The following ESF1 variants were observed in gnomAD, a reference collection of about 807,000 sequenced individuals.
ESF1 encodes ESF1 nucleolar pre-rRNA processing protein, also known as ESF1 homolog.
Under a neutral mutation model 92.0 loss-of-function variants are expected in ESF1, and 58 were observed. That is an observed-to-expected ratio of 0.63 (90% CI 0.51 to 0.78). The LOEUF is 0.78. Ranked by LOEUF, ESF1 falls within the 30% of genes least tolerant of loss-of-function variation. The probability of loss-of-function intolerance (pLI) is 0.00; values close to 1 mark genes in which losing one functional copy is unlikely to be tolerated. For missense variants in ESF1, 922 were observed against 989.1 expected (o/e 0.93, Z 0.91); for synonymous variants, 321 against 313.7 (o/e 1.02, Z -0.24).
At chr20:13,747,778 T>C (rs1420400235) in intron 9 of ESF1, among the ~76,000 whole-genome samples, 1 of 152,212 alleles carries the variant, frequency 6.6e-6, no homozygotes, top group Non-Finnish European at 1.5e-5. Context: ...AGATGGTGTG[T>C]AGCTTACCAC....
chr20:13,765,147 C>T (rs1979377266), intron 8 of ESF1, among the ~76,000 whole-genome samples: 1 of 152,096 alleles, frequency 6.6e-6, no homozygotes, highest in Admixed American at 6.5e-5. Flanking sequence ...CGTTTGAACC[C>T]AGGAGGAAGA....
At chr20:13,748,443 T>TATATATACACAC (rs1978385355) in intron 9 of ESF1, among the ~76,000 whole-genome samples, 2 of 122,628 alleles carry the variant, frequency 1.6e-5, no homozygotes, top group Non-Finnish European at 3.6e-5. Flanking sequence ...TATATACACA[T>TATATATACACAC]ATATACATAT....
intron 9 of ESF1, among the ~76,000 whole-genome samples, chr20:13,748,315 A>G (rs1053139486): frequency 2.6e-5 from 4 of 151,862 alleles, no homozygotes. Flanking sequence ...AACTTAATGT[A>G]GTATTGTGTG....
intron 10 of ESF1, among the ~76,000 whole-genome samples, chr20:13,733,386 T>G (rs1190243839): frequency 6.6e-6 from 1 of 152,238 alleles, no homozygotes; most frequent in Non-Finnish European, 1.5e-5. Context: ...GAAAAATGTC[T>G]GTATGTACCT....
At chr20:13,768,807 G>A (rs770266887) in intron 7 of ESF1, among the ~76,000 whole-genome samples, 16 of 145,002 alleles carry the variant, frequency 1.1e-4, no homozygotes, top group Non-Finnish European at 2.2e-4. Context: ...TGTGGCAGAA[G>A]AATCACTTGA....
Position 13,771,335 on chromosome 20 carries a change from G to A in ESF1, c.1399C>T (p.Leu467=). 1 of 1,611,222 alleles carries A rather than the reference G, an allele frequency of 6.2e-7. No homozygotes were observed. The highest frequency in any genetic ancestry group is 8.5e-7 in the Non-Finnish European group (1 of 1,179,258). Residue 467 remains leucine, a synonymous_variant, in exon 6 of 14, where the codon CTA becomes TTA. Transcript: ENST00000617257. ...GTAATACATACACTGGATTACCTTA[G>A]ATCTATGAAAGAACAACTACTTTCA... ...EFESSCSFID[L]RFIPDDITFD... is the part of the protein sequence containing the mutation.
At chr20:13,763,768 T>C (rs893452991) in intron 8 of ESF1, among the ~76,000 whole-genome samples, 3 of 152,180 alleles carry the variant, frequency 2.0e-5, no homozygotes, top group Non-Finnish European at 4.4e-5. Context: ...CTAAGGCCTT[T>C]AAAAAAATGT....
At chr20:13,744,765 C>G (rs1430314481) in intron 9 of ESF1, among the ~76,000 whole-genome samples, 1 of 152,184 alleles carries the variant, frequency 6.6e-6, no homozygotes, top group Admixed American at 6.5e-5. Context: ...AGCAGTGAAG[C>G]CTTCCCTGAC....
At chr20:13,775,082 C>CAAAAAAA (rs67609153) in intron 4 of ESF1, 75 bp downstream of exon 4, 2 of 690,722 alleles carry the variant, frequency 2.9e-6, no homozygotes, top group Non-Finnish European at 4.3e-6. Flanking sequence ...AAACTATGGC[C>CAAAAAAA]AAAAAAAAAA....
At chr20:13,741,906 A>G (rs1176684094) in intron 9 of ESF1, among the ~76,000 whole-genome samples, 4 of 152,204 alleles carry the variant, frequency 2.6e-5, no homozygotes, top group African/African-American at 9.6e-5. Flanking sequence ...AAGAGCTGCT[A>G]AAAGCCAACA....
chr20:13,715,188 A>AAAATT, intron 13 of ESF1, 21 bp from the exon 14 acceptor site: 1 of 1,481,562 alleles, frequency 6.7e-7, no homozygotes, highest in Non-Finnish European at 9.0e-7. Flanking sequence ...AAAAAAAAAA[A>AAAATT]AAATTAATAA....
chr20:13,714,339 A>G lies in ESF1; in HGVS notation c.*535T>C, dbSNP rs1568704599. The G allele has an allele frequency of 6.6e-6, 1 of 152,248 alleles. No individual in the cohort carries two copies. The highest frequency in any genetic ancestry group is 1.5e-5 in the Non-Finnish European group (1 of 68,050). 9.4% of individuals were successfully genotyped at this position (152,248 alleles called of 1,614,324 possible). On this transcript the variant is annotated 3_prime_UTR_variant, in exon 14 of 14. Coordinates refer to ENST00000617257, the MANE Select transcript of ESF1 (RefSeq NM_001276380.2). ...ATACAAAATAATGAAAATATTTTACACTTTTATTTACAAGTTAATTTCATA... is the reference window on the plus strand; with the variant it reads ...ATACAAAATAATGAAAATATTTTACGCTTTTATTTACAAGTTAATTTCATA...
intron 13 of ESF1, among the ~76,000 whole-genome samples, chr20:13,717,108 C>G (rs750694190): frequency 5.3e-5 from 8 of 151,922 alleles, no homozygotes; most frequent in Non-Finnish European, 1.0e-4. Flanking sequence ...TGAGCCACCA[C>G]GCCCAGCCAG....
At chr20:13,742,970 G>A (rs2050025212) in intron 9 of ESF1, among the ~76,000 whole-genome samples, 2 of 152,118 alleles carry the variant, frequency 1.3e-5, no homozygotes, top group Non-Finnish European at 2.9e-5. Flanking sequence ...ATGTGGTCTT[G>A]TTGACCATCT....
At chr20:13,743,426 C>T (rs1172076082) in intron 9 of ESF1, among the ~76,000 whole-genome samples, 1 of 152,162 alleles carries the variant, frequency 6.6e-6, no homozygotes, top group Non-Finnish European at 1.5e-5. Flanking sequence ...GACATCTGAA[C>T]CCCTATGTTC....
Position 13,766,830 on chromosome 20 carries a change from G to A in ESF1, c.1613C>T (p.Ala538Val). ...ATCTTCACTAGAGGAAGCTAAGTAG[G>A]CTTGAAAATCCATGTCCAAAAGCTC... ...KEELLDMDFQ[A>V]YLASSSEDEE... Residue 538 changes from alanine (A) to valine (V), a missense_variant, in exon 8 of 14, where the codon GCC becomes GTC. Physicochemically the swap from Ala to Val is moderately conservative, Grantham distance 64. Coordinates refer to ENST00000617257, the MANE Select transcript of ESF1 (RefSeq NM_001276380.2). 1 of 1,613,788 alleles carries A rather than the reference G, an allele frequency of 6.2e-7. No individual in the cohort carries two copies. The highest frequency in any genetic ancestry group is 1.7e-4 in the Middle Eastern group (1 of 6,054).
chr20:13,759,611 A>C, intron 9 of ESF1, 81 bp downstream of exon 9: 1 of 1,513,666 alleles, frequency 6.6e-7, no homozygotes, highest in South Asian at 1.3e-5. Context: ...TCACCAAAAC[A>C]TTTCCGGCTC....
chr20:13,748,887 C>T (rs1978462030), intron 9 of ESF1, among the ~76,000 whole-genome samples: 1 of 151,648 alleles, frequency 6.6e-6, no homozygotes, highest in African/African-American at 2.4e-5. Flanking sequence ...ATGCCCAGCC[C>T]CTCAAAGGCT....
chr20:13,743,018 G>A (rs2147742479), intron 9 of ESF1, among the ~76,000 whole-genome samples: 1 of 152,228 alleles, frequency 6.6e-6, no homozygotes, highest in South Asian at 2.1e-4. Flanking sequence ...GTTCATCTAT[G>A]TTGTAGCATG....
Sources: allele counts gnomAD v4.1 joint callset (sites outside exome capture counted in the v4.1 genomes callset), GRCh38; gene constraint gnomAD v4.1.1; transcripts MANE v1.5; gene names NCBI Gene and HGNC (gene_info 2026-07-23, HGNC 2026-07-21).